SPATA22: variants seen among roughly 807,000 people sequenced by gnomAD.
SPATA22 encodes the protein spermatogenesis-associated protein 22.
Under a neutral mutation model 47.8 loss-of-function variants are expected in SPATA22, and 29 were observed. That is an observed-to-expected ratio of 0.61 (90% confidence interval 0.45 to 0.83). SPATA22 has a LOEUF of 0.83. SPATA22 is among the 40% of genes least tolerant of loss of function. SPATA22 has a pLI of 0.00. For missense variants in SPATA22, 410 were observed against 421.7 expected, an observed-to-expected ratio of 0.97 and a Z score of 0.24; for synonymous variants, 133 against 140.9, an observed-to-expected ratio of 0.94 and a Z score of 0.40.
rs2150737865 is a variant in SPATA22 at position 3,471,689 on chromosome 17, C to T, written c.-81G>A. Reference sequence around the variant, plus strand: ...AGTTTGGTATCAACGCACAGTCTTTCCCTTCTAGGCCCTCCTGCCAACACG... The same window carrying T: ...AGTTTGGTATCAACGCACAGTCTTTTCCTTCTAGGCCCTCCTGCCAACACG... On this transcript the variant is annotated 5_prime_UTR_variant, in exon 1 of 9. Coordinates refer to ENST00000572969, the MANE Select transcript of SPATA22 (RefSeq NM_001170698.2). 1 of 985,524 alleles carries T rather than the reference C, an allele frequency of 1.0e-6. No individual in the cohort carries two copies. The highest frequency in any genetic ancestry group is 1.1e-4 in the East Asian group (1 of 8,804). The allele number at this position is 985,524 out of a possible 1,614,324, so 61.0% of individuals were successfully genotyped here.
intron 6 of SPATA22, 40 bp from the exon 7 acceptor site, chr17:3,446,641 T>A (rs1158958277): frequency 3.5e-6 from 5 of 1,430,762 alleles, no homozygotes; most frequent in Non-Finnish European, 4.7e-6. Flanking sequence ...GAAAAATATT[T>A]GTTTTTTTCA....
chr17:3,484,601 A>G (rs1236709134), intron 1 of SPATA22, among the ~76,000 whole-genome samples: 2 of 152,244 alleles, frequency 1.3e-5, no homozygotes, highest in African/African-American at 2.4e-5. Flanking sequence ...ATGAAAGGCC[A>G]TTGCTGATTT....
chr17:3,489,912 C>T (rs1174242910), intron 1 of SPATA22, among the ~76,000 whole-genome samples: 1 of 152,146 alleles, frequency 6.6e-6, no homozygotes, highest in African/African-American at 2.4e-5. Flanking sequence ...TGTTATCGTG[C>T]ATCATTTATA....
chr17:3,470,504 C>T (rs931153479), intron 1 of SPATA22, among the ~76,000 whole-genome samples: 3 of 152,056 alleles, frequency 2.0e-5, no homozygotes, highest in African/African-American at 7.2e-5. Context: ...AATCCCAGCA[C>T]TTTGGGAGGC....
chr17:3,482,292 G>A (rs2073644363), intron 1 of SPATA22, among the ~76,000 whole-genome samples: 1 of 152,112 alleles, frequency 6.6e-6, no homozygotes, highest in Non-Finnish European at 1.5e-5. Flanking sequence ...CCTCCCTTTA[G>A]TCCTGCCCTC....
Position 3,447,921 on chromosome 17 carries a change from C to A in SPATA22, c.672+886G>T, listed in dbSNP as rs1238656729. 2.0e-5 allele frequency among the ~76,000 whole-genome samples: 3 copies of A among 152,164 alleles called. No individual in the cohort carries two copies. The East Asian group carries it at 5.8e-4, about 29-fold the overall frequency. ...TCTCAGGATGATGCACTACATAGGA[C>A]AGTTCAGCCTTCCACAACAGAGAAG... is the stretch of plus-strand genomic sequence containing the variant. On this transcript the variant is annotated intron_variant, in intron 6 of 8. Transcript: ENST00000572969.
upstream of SPATA22, among the ~76,000 whole-genome samples, chr17:3,474,647 A>G (rs3814886): frequency 4.0e-3 from 608 of 152,210 alleles, 9 homozygotes; most frequent in East Asian, 0.022. Context: ...TGCTTTCTCT[A>G]TCTCTGCATT....
intron 5 of SPATA22, among the ~76,000 whole-genome samples, chr17:3,455,017 T>A (rs957941057): frequency 1.3e-5 from 2 of 152,036 alleles, no homozygotes; most frequent in Non-Finnish European, 2.9e-5. Flanking sequence ...TGGTATCTCA[T>A]TGTGGTTTTG....
rs3837856 is a variant in SPATA22 at position 3,495,897 on chromosome 17, CTG to C, written c.-74+17513_-74+17514del. The stretch of plus-strand genomic sequence containing the variant: ...CAGTGTTTTAAAGGAAAGGTAAAGA[CTG>C]GGGGAGAGAAAGGAAGAAAGCACTA... On this transcript the variant is annotated intron_variant, in intron 1 of 8. Transcript: ENST00000541913. Among the ~76,000 whole-genome samples the C allele has an allele frequency of 0.019, 2,862 of 152,076 alleles. 155 individuals carry two copies. In the East Asian group the frequency reaches 0.22, roughly 12 times the overall value.
intron 1 of SPATA22, chr17:3,481,944 G>C: frequency 1.4e-6 from 1 of 738,148 alleles, no homozygotes; most frequent in Non-Finnish European, 2.2e-6. Flanking sequence ...TGGTTGGGGG[G>C]AAAGGGTGCT....
chr17:3,498,105 C>A (rs569895936), intron 1 of SPATA22, among the ~76,000 whole-genome samples: 1 of 152,138 alleles, frequency 6.6e-6, no homozygotes, highest in African/African-American at 2.4e-5. Context: ...CACCAATCCC[C>A]GTCAGAATAG....
rs138748634 is a variant in SPATA22 at position 3,513,341 on chromosome 17, T to A, written c.-74+71A>T. 618 of 152,930 alleles carry A rather than the reference T, an allele frequency of 4.0e-3. 5 individuals are homozygous for A. The highest frequency in any genetic ancestry group is 7.5e-3 in the Non-Finnish European group (514 of 68,172). The allele number at this position is 152,930 out of a possible 1,614,324, so 9.5% of individuals were successfully genotyped here. On this transcript the variant is annotated intron_variant, in intron 1 of 8. Coordinates refer to the SPATA22 transcript ENST00000541913. Reference sequence around the variant, plus strand: ...GACGTTCACTCCAAGGATGGTCTCCTTTTCCCCGAAGGGTTCCGGAAGGGT... The same window carrying A: ...GACGTTCACTCCAAGGATGGTCTCCATTTCCCCGAAGGGTTCCGGAAGGGT...
Position 3,471,726 on chromosome 17 carries a change from T to C in SPATA22, c.-118A>G, listed in dbSNP as rs764552771. ...CTCCTGCCAACACGACACACAACTT[T>C]CGCCCTCAGTTTCCCTCGCCTCCGT... On this transcript the variant is annotated 5_prime_UTR_variant, in exon 1 of 9. Transcript: ENST00000572969. The C allele has an allele frequency of 2.0e-6, 2 of 985,502 alleles. No individual in the cohort carries two copies. The highest frequency in any genetic ancestry group is 2.4e-6 in the Non-Finnish European group (2 of 829,988). 61.0% of individuals were successfully genotyped at this position (985,502 alleles called of 1,614,324 possible). A position where few individuals can be genotyped will look rare whatever the true frequency, so the allele number is the denominator to read the frequency against.
intron 5 of SPATA22, among the ~76,000 whole-genome samples, chr17:3,449,960 C>A (rs1428785685): frequency 1.3e-5 from 2 of 152,122 alleles, no homozygotes; most frequent in Non-Finnish European, 2.9e-5. Context: ...TCAAGCGATC[C>A]TCCCACCTCA....
intron 1 of SPATA22, chr17:3,502,566 A>G (rs1329649236): frequency 6.6e-6 from 1 of 152,200 alleles, no homozygotes; most frequent in Non-Finnish European, 1.5e-5. Flanking sequence ...TTTGTAGATG[A>G]AATATGAAAG....
At chr17:3,475,861 G>C (rs1156315402), upstream of SPATA22, 1 of 390,280 alleles carries the variant, frequency 2.6e-6, no homozygotes, top group East Asian at 5.0e-5. Context: ...ATTTATTACT[G>C]TATTTAGATC....
chr17:3,462,935 A>G (rs2073162694), intron 3 of SPATA22, among the ~76,000 whole-genome samples, 168 bp from the exon 4 acceptor site: 1 of 152,232 alleles, frequency 6.6e-6, no homozygotes. Context: ...AGCCTGCTTT[A>G]TTAATTTTTA....
chr17:3,468,776 AAATT>A (rs1176439418), intron 2 of SPATA22: 1 of 268,876 alleles, frequency 3.7e-6, no homozygotes, highest in Admixed American at 6.5e-5. Flanking sequence ...AAGATTAAAT[AAATT>A]AATATATATA....
intron 1 of SPATA22, chr17:3,494,248 C>T (rs995671779): frequency 1.3e-5 from 11 of 837,842 alleles, no homozygotes; most frequent in Admixed American, 1.1e-4. Context: ...AGGTGATCCA[C>T]CCAACTCGGC....
Sources: gnomAD v4.1 joint callset for allele counts (sites outside exome capture counted in the v4.1 genomes callset) on GRCh38, gnomAD v4.1.1 for gene constraint, MANE v1.5 for transcripts, NCBI Gene and HGNC (gene_info 2026-07-23, HGNC 2026-07-21) for gene names.